The following MARCHF4 variants were observed in gnomAD, a reference collection of about 807,000 sequenced individuals.
MARCHF4 encodes membrane associated ring-CH-type finger 4, also known as E3 ubiquitin-protein ligase MARCHF4.
In MARCHF4, 14 loss-of-function variants were observed where a neutral mutation model predicts 43.9. The observed-to-expected ratio is 0.32, with a 90% confidence interval of 0.21 to 0.50. MARCHF4 has a LOEUF of 0.50. Ranked by LOEUF, MARCHF4 falls within the 20% of genes least tolerant of loss-of-function variation. MARCHF4 has a pLI of 0.98. For synonymous variants in MARCHF4, 226 were observed against 213.3 expected (o/e 1.06, Z -0.52); for missense variants, 468 against 536.7 (o/e 0.87, Z 1.27).
chr2:216,306,991 CAT>C (rs1388457438), intron 1 of MARCHF4, among the ~76,000 whole-genome samples: 1 of 152,124 alleles, frequency 6.6e-6, no homozygotes, highest in Non-Finnish European at 1.5e-5. Context: ...CACACACACA[CAT>C]ACACACACAC....
chr2:216,263,510 AGAGAG>A lies in MARCHF4; in HGVS notation c.866-3836_866-3832del, dbSNP rs766547636. ...GAGAGAGAAAGAGAGAGAGAGAGAG[AGAGAG>A]AGAGAGAGAGAGAGAGAGAGAGAAA... On this transcript the variant is annotated intron_variant, in intron 3 of 3. Transcript: ENST00000273067. Among the ~76,000 whole-genome samples the A allele has an allele frequency of 3.9e-3, 498 of 127,892 alleles. 4 individuals are homozygous for A. The highest frequency in any genetic ancestry group is 0.011 in the Middle Eastern group (3 of 264). 83.9% of individuals were successfully genotyped at this position (127,892 alleles called of 152,430 possible).
Position 216,259,278 on chromosome 2 carries a change from T to G in MARCHF4, c.*34A>C. The G allele has an allele frequency of 6.6e-7, 1 of 1,511,894 alleles. No homozygotes were observed. The highest frequency in any genetic ancestry group is 2.3e-5 in the East Asian group (1 of 43,886). The allele number at this position is 1,511,894 out of a possible 1,614,324, so 93.7% of individuals were successfully genotyped here. On this transcript the variant is annotated 3_prime_UTR_variant, in exon 4 of 4. Coordinates refer to ENST00000273067, the MANE Select transcript of MARCHF4 (RefSeq NM_020814.3). ...TCCCCACCCTGCTCCGGGCCCTCAG[T>G]GGTGGTCATGGCCTTCCTTCCGGGC...
At chr2:216,272,372 T>A (rs1452265012) in intron 3 of MARCHF4, among the ~76,000 whole-genome samples, 1 of 152,114 alleles carries the variant, frequency 6.6e-6, no homozygotes, top group Non-Finnish European at 1.5e-5. Context: ...ACCCTGAATA[T>A]AGGACAGGAG....
chr2:216,367,821 C>T (rs1427926916), intron 1 of MARCHF4, among the ~76,000 whole-genome samples: 1 of 151,946 alleles, frequency 6.6e-6, no homozygotes, highest in Non-Finnish European at 1.5e-5. Context: ...TTTTCTTTTT[C>T]TTTTTTCAAT....
At chr2:216,355,160 C>T (rs891301554) in intron 1 of MARCHF4, among the ~76,000 whole-genome samples, 12 of 151,938 alleles carry the variant, frequency 7.9e-5, no homozygotes, top group South Asian at 6.2e-4. Context: ...TTAGTAGAGA[C>T]GGGGTTTCAC....
chr2:216,336,716 T>G (rs1692161347), intron 1 of MARCHF4, among the ~76,000 whole-genome samples: 1 of 90,694 alleles, frequency 1.1e-5, no homozygotes, highest in Admixed American at 1.7e-4. Context: ...ACTTCCTCCA[T>G]GGCAAATGGG....
chr2:216,277,903 T>G, intron 2 of MARCHF4, 39 bp from the exon 3 acceptor site: 1 of 1,575,416 alleles, frequency 6.3e-7, no homozygotes, highest in Non-Finnish European at 8.7e-7. Flanking sequence ...GTTGCTTGGA[T>G]GCCCTTATCC....
intron 1 of MARCHF4, among the ~76,000 whole-genome samples, chr2:216,312,321 G>T (rs1221554431): frequency 6.6e-6 from 1 of 152,272 alleles, no homozygotes; most frequent in African/African-American, 2.4e-5. Flanking sequence ...ATATTCCAAG[G>T]TGTATATATA....
intron 3 of MARCHF4, among the ~76,000 whole-genome samples, chr2:216,275,584 T>C (rs1691006069): frequency 6.6e-6 from 1 of 152,160 alleles, no homozygotes; most frequent in Non-Finnish European, 1.5e-5. Context: ...GAGCCTCAGT[T>C]CTCTCAGCTG....
intron 3 of MARCHF4, among the ~76,000 whole-genome samples, chr2:216,274,657 C>T (rs1690993320): frequency 6.6e-6 from 1 of 152,198 alleles, no homozygotes; most frequent in Non-Finnish European, 1.5e-5. Flanking sequence ...TTGCACCTCC[C>T]ACTCTCTTGC....
At chr2:216,366,142 T>G (rs890605233) in intron 1 of MARCHF4, among the ~76,000 whole-genome samples, 1 of 152,204 alleles carries the variant, frequency 6.6e-6, no homozygotes, top group African/African-American at 2.4e-5. Context: ...TCTTATAGTA[T>G]TGACTGATTT....
At chr2:216,320,523 A>T (rs1691862382) in intron 1 of MARCHF4, among the ~76,000 whole-genome samples, 1 of 152,148 alleles carries the variant, frequency 6.6e-6, no homozygotes, top group African/African-American at 2.4e-5. Flanking sequence ...ACCAATGTCT[A>T]CCCAATTCCA....
At position 216,354,965 on chromosome 2, in the gene MARCHF4, TTCTTTCTTTC is replaced by T. The variant is rs1692474675; in HGVS notation, c.516+14770_516+14779del. Among the ~76,000 whole-genome samples the T allele has an allele frequency of 4.8e-5, 7 of 146,046 alleles. No homozygotes were observed. The South Asian group carries it at 1.6e-3, about 34-fold the overall frequency. On this transcript the variant is annotated intron_variant, in intron 1 of 3. Transcript: ENST00000273067. ...TTTCTTTCTTTCTTTCTTTCTTTCT[TTCTTTCTTTC>T]TTTCTTTCTTTTTTGAGACAGAGTC...
chr2:216,260,848 C>G (rs1263514753), intron 3 of MARCHF4, among the ~76,000 whole-genome samples: 2 of 152,136 alleles, frequency 1.3e-5, no homozygotes, highest in Non-Finnish European at 2.9e-5. Flanking sequence ...AAGCAGGAAG[C>G]AGTGATGTCA....
At chr2:216,360,432 G>A (rs190213166) in intron 1 of MARCHF4, among the ~76,000 whole-genome samples, 153 of 151,986 alleles carry the variant, frequency 1.0e-3, no homozygotes, top group Non-Finnish European at 1.9e-3. Context: ...ATTATTCAGC[G>A]CTAAGAAGAA....
intron 1 of MARCHF4, among the ~76,000 whole-genome samples, chr2:216,295,606 T>A (rs1399888395): frequency 6.6e-6 from 1 of 152,220 alleles, no homozygotes; most frequent in Non-Finnish European, 1.5e-5. Context: ...TCCCTTCACA[T>A]GCTAACAAAA....
At chr2:216,331,225 A>G (rs1692077518) in intron 1 of MARCHF4, among the ~76,000 whole-genome samples, 1 of 152,136 alleles carries the variant, frequency 6.6e-6, no homozygotes, top group Admixed American at 6.5e-5. Context: ...AGACTATTAC[A>G]TATCCTTATG....
rs142400873 is a variant in MARCHF4 at position 216,369,814 on chromosome 2, T to G, written c.447A>C (p.Ser149=). The G allele has an allele frequency of 3.5e-5, 56 of 1,613,530 alleles. No individual in the cohort carries two copies. In the African/African-American group the frequency reaches 6.7e-4, roughly 19 times the overall value. ...TACCACTGTCCAAGCTGCTGCCCAG[T>G]GAGTAGCGATCCTCGGTCTTCTCCT... ...FCKEKTEDRY[S]LGSSLDSGMR... is the part of the protein sequence containing the mutation. Residue 149 remains serine, a synonymous_variant, in exon 1 of 4, where the codon TCA becomes TCC. Coordinates refer to ENST00000273067, the MANE Select transcript of MARCHF4 (RefSeq NM_020814.3).
intron 1 of MARCHF4, among the ~76,000 whole-genome samples, chr2:216,315,267 G>C (rs554597881): frequency 2.5e-4 from 38 of 152,280 alleles, no homozygotes; most frequent in African/African-American, 8.9e-4. Context: ...TTAAAAGAAT[G>C]GTAATTCACA....
Sources: gnomAD v4.1 joint callset for allele counts (sites outside exome capture counted in the v4.1 genomes callset) on GRCh38, gnomAD v4.1.1 for gene constraint, MANE v1.5 for transcripts, NCBI Gene and HGNC (gene_info 2026-07-23, HGNC 2026-07-21) for gene names.